PLCG2: variants seen among roughly 807,000 people sequenced by gnomAD.
PLCG2 encodes phospholipase C gamma 2.
In PLCG2, 69 loss-of-function variants were observed where a neutral mutation model predicts 175.6. The ratio of observed to expected loss-of-function variants is 0.39; its 90% confidence interval spans 0.32 to 0.48. The LOEUF is 0.48. PLCG2 is among the 20% of genes least tolerant of loss of function. The pLI is 0.91. For synonymous variants in PLCG2, 827 were observed against 624.0 expected, an observed-to-expected ratio of 1.33 and a Z score of -4.85; for missense variants, 1,798 against 1,650.9, an observed-to-expected ratio of 1.09 and a Z score of -1.54.
chr16:81,907,640 G>T, intron 15 of PLCG2, 45 bp from the exon 16 acceptor site: 1 of 1,395,336 alleles, frequency 7.2e-7, no homozygotes, highest in South Asian at 1.2e-5. Context: ...CACAGTTGAT[G>T]AGGTAGAGGA....
At chr16:81,807,132 G>C (rs115409391) in intron 2 of PLCG2, among the ~76,000 whole-genome samples, 1,997 of 152,264 alleles carry the variant, frequency 0.013, 39 homozygotes, top group African/African-American at 0.046. Context: ...GGTCAGTGGA[G>C]ACCTCACAGC....
At chr16:81,915,651 A>G (rs11860917) in intron 19 of PLCG2, among the ~76,000 whole-genome samples, 9,602 of 152,268 alleles carry the variant, frequency 0.063, 431 homozygotes, top group Non-Finnish European at 0.098. Context: ...GAATAAGCTA[A>G]TAGACGATGA....
intron 1 of PLCG2, among the ~76,000 whole-genome samples, chr16:81,743,006 G>A (rs561726975): frequency 2.0e-5 from 3 of 152,250 alleles, no homozygotes; most frequent in Non-Finnish European, 2.9e-5. Flanking sequence ...TTTATCGACA[G>A]AAGAACCAGT....
chr16:81,927,529 G>C (rs1023014257), intron 23 of PLCG2, among the ~76,000 whole-genome samples: 1 of 152,196 alleles, frequency 6.6e-6, no homozygotes, highest in Non-Finnish European at 1.5e-5. Flanking sequence ...CATTGAGAAC[G>C]TGCTTGGGGC....
chr16:81,827,168 A>G lies in PLCG2; in HGVS notation c.194-27276A>G, dbSNP rs929085724. 6.0e-5 allele frequency among the ~76,000 whole-genome samples: 9 copies of G among 149,380 alleles called. No individual in the cohort carries two copies. The Admixed American group carries it at 6.1e-4, about 10-fold the overall frequency. Reference sequence around the variant, plus strand: ...TGTGGTAAGGTGCATGGTTAATCTCATACATTATAGAGGATTGCTGGGTTT... The same window carrying G: ...TGTGGTAAGGTGCATGGTTAATCTCGTACATTATAGAGGATTGCTGGGTTT... On this transcript the variant is annotated intron_variant, in intron 2 of 32. Transcript: ENST00000564138.
chr16:81,834,658 G>T (rs1028592047), intron 2 of PLCG2, among the ~76,000 whole-genome samples: 2 of 152,144 alleles, frequency 1.3e-5, no homozygotes, highest in African/African-American at 4.8e-5. Flanking sequence ...GTTCCTGAGA[G>T]GAAGATTCTG....
chr16:81,897,900 G>A, intron 13 of PLCG2: 1 of 454,288 alleles, frequency 2.2e-6, no homozygotes, highest in Non-Finnish European at 4.4e-6. Flanking sequence ...GGGTGGAGGT[G>A]TTGCTGTGAG....
chr16:81,846,124 C>G (rs752313044), intron 2 of PLCG2, among the ~76,000 whole-genome samples: 1 of 152,204 alleles, frequency 6.6e-6, no homozygotes, highest in Non-Finnish European at 1.5e-5. Context: ...GGTGTCGTGG[C>G]TCACAGGTGC....
chr16:81,884,062 T>C (rs1684960528), intron 9 of PLCG2, among the ~76,000 whole-genome samples: 1 of 151,994 alleles, frequency 6.6e-6, no homozygotes, highest in Admixed American at 6.6e-5. Context: ...AGCGAAGAAG[T>C]ATTCAGGGCC....
chr16:81,942,317 T>C (rs2143743721), intron 30 of PLCG2, among the ~76,000 whole-genome samples: 1 of 152,312 alleles, frequency 6.6e-6, no homozygotes, highest in Middle Eastern at 3.4e-3. Flanking sequence ...TGACTTAGCT[T>C]GGAGATTTGG....
chr16:81,863,502 T>C (rs1907083270), intron 5 of PLCG2, among the ~76,000 whole-genome samples: 1 of 152,272 alleles, frequency 6.6e-6, no homozygotes, highest in Non-Finnish European at 1.5e-5. Context: ...ATAGTGCTGC[T>C]GCGAACATGG....
At chr16:81,943,123 G>A (rs117675832) in intron 30 of PLCG2, among the ~76,000 whole-genome samples, 3,904 of 152,112 alleles carry the variant, frequency 0.026, 77 homozygotes, top group Non-Finnish European at 0.039. Context: ...ATAGCCTCCC[G>A]GAATGCCATG....
upstream of PLCG2, among the ~76,000 whole-genome samples, chr16:81,778,192 A>C (rs1336126963): frequency 6.6e-6 from 1 of 152,148 alleles, no homozygotes; most frequent in Non-Finnish European, 1.5e-5. Context: ...CCTGGGACAC[A>C]TAGTGAGACC....
chr16:81,755,370 AT>A (rs35525388), intron 1 of PLCG2, among the ~76,000 whole-genome samples: 6,284 of 136,836 alleles, frequency 0.046, 409 homozygotes, highest in African/African-American at 0.15. Flanking sequence ...CTAATTTTGT[AT>A]TTTTTTTTTT....
chr16:81,782,095 C>T (rs1404118544), intron 1 of PLCG2, among the ~76,000 whole-genome samples: 2 of 152,046 alleles, frequency 1.3e-5, no homozygotes, highest in African/African-American at 4.8e-5. Context: ...CCAGGATGGT[C>T]TTGATCTCCT....
intron 30 of PLCG2, among the ~76,000 whole-genome samples, chr16:81,940,909 C>T (rs750571074): frequency 4.6e-5 from 7 of 152,198 alleles, no homozygotes; most frequent in Non-Finnish European, 8.8e-5. Context: ...AATTTTCCTT[C>T]TTCCTCTTCC....
At chr16:81,829,469 T>C (rs1905175289) in intron 2 of PLCG2, among the ~76,000 whole-genome samples, 1 of 152,184 alleles carries the variant, frequency 6.6e-6, no homozygotes, top group Admixed American at 6.5e-5. Context: ...CCACCCTCCT[T>C]GGCCTCCCGA....
chr16:81,828,286 C>G (rs1236827210), intron 2 of PLCG2, among the ~76,000 whole-genome samples: 3 of 138,974 alleles, frequency 2.2e-5, no homozygotes, highest in Non-Finnish European at 3.0e-5. Flanking sequence ...TGCTCTGTCA[C>G]CCAGGCTGGA....
chr16:81,805,767 G>GTTT lies in PLCG2; in HGVS notation c.193+19598_193+19600dup, dbSNP rs766609754. On this transcript the variant is annotated intron_variant, in intron 2 of 32. Coordinates refer to ENST00000564138, the MANE Select transcript of PLCG2 (RefSeq NM_002661.5). ...AGCCATGAGAGTAGTGTTTTGTTTT[G>GTTT]TTTTTTTTTTTTTTTGTTTTTTTTT... 3.2e-3 allele frequency among the ~76,000 whole-genome samples: 125 copies of GTTT among 39,484 alleles called. 8 individuals are homozygous for GTTT. Among genetic ancestry groups the GTTT allele is most frequent in the African/African-American group, 6.4e-3 (52 of 8,170 alleles). The allele number at this position is 39,484 out of a possible 152,430, so 25.9% of individuals were successfully genotyped here.
Sources: allele counts gnomAD v4.1 joint callset (sites outside exome capture counted in the v4.1 genomes callset), GRCh38; gene constraint gnomAD v4.1.1; transcripts MANE v1.5; gene names NCBI Gene and HGNC (gene_info 2026-07-23, HGNC 2026-07-21).